The following TXNRD1 variants were observed in gnomAD, a reference collection of about 807,000 sequenced individuals.
TXNRD1 encodes thioredoxin reductase 1.
TXNRD1 carries 57 observed loss-of-function variants against 80.3 expected under a neutral mutation model. The observed-to-expected ratio is 0.71, with a 90% CI of 0.57 to 0.89. The LOEUF (loss-of-function observed/expected upper bound fraction) is 0.89, where lower values mean the gene tolerates loss of function less well. TXNRD1 is among the 40% of genes least tolerant of loss of function. The pLI is 0.00. For synonymous variants in TXNRD1, 291 were observed against 285.2 expected, an observed-to-expected ratio of 1.02 and a Z score of -0.20; for missense variants, 730 against 803.0, an observed-to-expected ratio of 0.91 and a Z score of 1.10.
chr12:104,320,232 G>C (rs1402027691), intron 9 of TXNRD1, among the ~76,000 whole-genome samples: 2 of 152,226 alleles, frequency 1.3e-5, no homozygotes, highest in African/African-American at 4.8e-5. Context: ...TGGTAAATGT[G>C]TCTTCTTGGA....
chr12:104,261,066 T>C (rs1293537442), intron 3 of TXNRD1, among the ~76,000 whole-genome samples: 2 of 152,214 alleles, frequency 1.3e-5, no homozygotes, highest in African/African-American at 2.4e-5. Flanking sequence ...TTAATACATG[T>C]ATGAACTTTA....
chr12:104,315,246 G>GTGTATT (rs1236121016), intron 6 of TXNRD1, among the ~76,000 whole-genome samples: 2 of 152,132 alleles, frequency 1.3e-5, no homozygotes, highest in African/African-American at 2.4e-5. Context: ...CTAACCTCCC[G>GTGTATT]AACATCATAG....
intron 1 of TXNRD1, among the ~76,000 whole-genome samples, chr12:104,239,286 T>C (rs1428400098): frequency 6.6e-6 from 1 of 151,298 alleles, no homozygotes; most frequent in African/African-American, 2.4e-5. Context: ...CTCTGCCTCC[T>C]GGGTTCAAGC....
chr12:104,249,353 T>C (rs576146986), intron 1 of TXNRD1, among the ~76,000 whole-genome samples: 1 of 152,296 alleles, frequency 6.6e-6, no homozygotes, highest in South Asian at 2.1e-4. Flanking sequence ...GAATTAAGAT[T>C]TTGACAGAGA....
chr12:104,215,797 T>A lies in TXNRD1; in HGVS notation c.-6T>A. 1 of 1,555,544 alleles carries A rather than the reference T, an allele frequency of 6.4e-7. No individual in the cohort carries two copies. The highest frequency in any genetic ancestry group is 8.7e-7 in the Non-Finnish European group (1 of 1,149,888). On this transcript the variant is annotated 5_prime_UTR_variant, in exon 1 of 17. Transcript: ENST00000525566. ...CTCCGTCAGTTCCCACAGGGCCTTG[T>A]GCGACATGGGCTGCGCCGAGGGCAA...
At chr12:104,304,863 C>A in intron 4 of TXNRD1, 1 of 1,613,742 alleles carries the variant, frequency 6.2e-7, no homozygotes, top group South Asian at 1.1e-5. Flanking sequence ...ATATCTTTGA[C>A]TTTACAGGAG....
chr12:104,304,706 A>G, intron 4 of TXNRD1: 4 of 1,613,680 alleles, frequency 2.5e-6, no homozygotes, highest in Non-Finnish European at 3.4e-6. Context: ...TACTGTGGAG[A>G]ATATATTTTA....
chr12:104,346,230 C>G (rs1468894125), intron 16 of TXNRD1: 5 of 212,282 alleles, frequency 2.4e-5, no homozygotes, highest in Non-Finnish European at 4.9e-5. Context: ...CCAGGCTGGT[C>G]TCAAACTCCT....
intron 3 of TXNRD1, among the ~76,000 whole-genome samples, chr12:104,274,039 G>A (rs2033707375): frequency 1.3e-5 from 2 of 152,016 alleles, no homozygotes; most frequent in African/African-American, 4.8e-5. Context: ...GCGACAGAGC[G>A]AGACTCCATC....
In TXNRD1 at chr12:104,334,258, C is replaced by T; in HGVS notation, c.1672C>T (p.Pro558Ser). The change falls in exon 15 of 17, where the codon CCA becomes TCA. Residue 558 changes from proline to serine, a missense_variant. Pro to Ser is a moderately conservative substitution (Grantham distance 74, BLOSUM62 -1). Coordinates refer to ENST00000525566, the MANE Select transcript of TXNRD1 (RefSeq NM_001093771.3). ...NIEVYHSYFW[P>S]LEWTIPSRDN... ...TTAGGTTTACCATAGTTACTTTTGG[C>T]CATTGGAATGGACGATTCCGTCAAG... is the stretch of plus-strand genomic sequence containing the variant. The T allele has an allele frequency of 6.6e-7, 1 of 1,525,114 alleles. No individual in the cohort carries two copies. The highest frequency in any genetic ancestry group is 8.8e-7 in the Non-Finnish European group (1 of 1,133,164). 94.5% of individuals were successfully genotyped at this position (1,525,114 alleles called of 1,614,324 possible).
chr12:104,304,501 G>C, intron 4 of TXNRD1: 1 of 1,613,948 alleles, frequency 6.2e-7, no homozygotes, highest in East Asian at 2.2e-5. Flanking sequence ...TTGAACACCA[G>C]AAAAAAGTTC....
At chr12:104,290,681 A>G (rs1256802392) in intron 4 of TXNRD1, among the ~76,000 whole-genome samples, 1 of 139,354 alleles carries the variant, frequency 7.2e-6, no homozygotes, top group East Asian at 2.1e-4. Flanking sequence ...CCTAGGTGAC[A>G]GTGAGACCCT....
At position 104,215,781 on chromosome 12, in the gene TXNRD1, T is replaced by C; in HGVS notation, c.-22T>C. ...GCCAGGCGTCCTTCGGCTCCGTCAG[T>C]TCCCACAGGGCCTTGTGCGACATGG... On this transcript the variant is annotated 5_prime_UTR_variant, in exon 1 of 17. Coordinates refer to ENST00000525566, the MANE Select transcript of TXNRD1 (RefSeq NM_001093771.3). The C allele has an allele frequency of 6.5e-7, 1 of 1,549,456 alleles. No individual in the cohort carries two copies. The highest frequency in any genetic ancestry group is 8.7e-7 in the Non-Finnish European group (1 of 1,146,302).
intron 4 of TXNRD1, among the ~76,000 whole-genome samples, chr12:104,308,470 T>G (rs1254188712): frequency 6.6e-6 from 1 of 152,162 alleles, no homozygotes; most frequent in Non-Finnish European, 1.5e-5. Flanking sequence ...TTAAAAAATT[T>G]TTTAAAATAA....
chr12:104,333,916 G>T (rs1445541549), intron 14 of TXNRD1, among the ~76,000 whole-genome samples: 2 of 152,198 alleles, frequency 1.3e-5, no homozygotes, highest in African/African-American at 4.8e-5. Flanking sequence ...GAGTTTGGGT[G>T]TGTGTGTGTT....
chr12:104,304,084 C>T, intron 4 of TXNRD1: 6 of 1,613,954 alleles, frequency 3.7e-6, no homozygotes, highest in Non-Finnish European at 5.1e-6. Flanking sequence ...TCATGTACTG[C>T]GTGCGGCAGA....
intron 4 of TXNRD1, chr12:104,303,728 C>T: frequency 2.4e-6 from 2 of 832,056 alleles, no homozygotes; most frequent in East Asian, 3.1e-5. Context: ...CGGGCCGGGC[C>T]GCTAGTGCGC....
chr12:104,332,225 T>C (rs1239516218), intron 14 of TXNRD1, among the ~76,000 whole-genome samples: 1 of 152,204 alleles, frequency 6.6e-6, no homozygotes, highest in African/African-American at 2.4e-5. Context: ...ATACACTGTT[T>C]CTGTATACAC....
chr12:104,311,483 T>A, intron 5 of TXNRD1, 71 bp downstream of exon 5: 1 of 1,550,788 alleles, frequency 6.4e-7, no homozygotes, highest in South Asian at 1.2e-5. Flanking sequence ...CCTGACAGGG[T>A]TCTCTCCTCT....
Sources: allele counts gnomAD v4.1 joint callset (sites outside exome capture counted in the v4.1 genomes callset), GRCh38; gene constraint gnomAD v4.1.1; transcripts MANE v1.5; gene names NCBI Gene and HGNC (gene_info 2026-07-23, HGNC 2026-07-21).